Variants in NOP9 observed in about 807,000 individuals in gnomAD.
The protein encoded by NOP9 is nucleolar protein 9.
A neutral mutation model predicts 63.0 loss-of-function variants in NOP9; 50 were observed. The ratio of observed to expected loss-of-function variants is 0.79; its 90% CI spans 0.63 to 1.00. The LOEUF is 1.00. Among genes scored for constraint, NOP9 ranks in the 50% least tolerant of loss-of-function variants. NOP9 has a pLI of 0.00. For synonymous variants in NOP9, 343 were observed against 332.8 expected (o/e 1.03, Z -0.33); for missense variants, 758 against 803.0 (o/e 0.94, Z 0.68).
chr14:24,287,679 AAAAC>A, the NOP9 span, among the ~76,000 whole-genome samples: 13 of 152,104 alleles, frequency 8.5e-5, no homozygotes, highest in Non-Finnish European at 1.5e-4. Context: ...CCTGCCTTTA[AAAAC>A]AAACAAACAA....
chr14:24,292,126 T>G, the NOP9 span: 5 of 1,606,402 alleles, frequency 3.1e-6, no homozygotes, highest in Non-Finnish European at 4.3e-6. Context: ...ATCTTGTTAT[T>G]GAGGATGCAG....
At chr14:24,274,327 G>A in the NOP9 span, among the ~76,000 whole-genome samples, 1 of 152,150 alleles carries the variant, frequency 6.6e-6, no homozygotes, top group Admixed American at 6.5e-5. Flanking sequence ...GAGGAAGTGA[G>A]TCTCATGAAA....
At chr14:24,279,818 G>A in the NOP9 span, among the ~76,000 whole-genome samples, 1 of 152,154 alleles carries the variant, frequency 6.6e-6, no homozygotes, top group East Asian at 1.9e-4. Context: ...CATCACATTC[G>A]GTTTTGGGCA....
chr14:24,286,405 C>G, the NOP9 span, among the ~76,000 whole-genome samples: 87 of 152,280 alleles, frequency 5.7e-4, 1 homozygote, highest in East Asian at 0.014. Context: ...CTAGTCCATC[C>G]TCCCCATACC....
At chr14:24,299,846 G>A (rs1229634966), upstream of NOP9, 2 of 1,365,930 alleles carry the variant, frequency 1.5e-6, no homozygotes, top group Non-Finnish European at 1.9e-6. Flanking sequence ...TGCGTCAGGA[G>A]CGCGCCCGCG....
In NOP9 at chr14:24,301,731, G is replaced by A; in HGVS notation, c.808+9G>A. 6.2e-7 allele frequency: 1 copy of A among 1,613,468 alleles called. No individual in the cohort carries two copies. Among genetic ancestry groups the A allele is most frequent in the African/African-American group, 1.3e-5 (1 of 75,014 alleles). ...TCTGAAGGACATTGCAGGTAAGGAG[G>A]GAAGTAGGAGGATGGTCTCGTATCT... On this transcript the variant is annotated intron_variant, in intron 3 of 9. Transcript: ENST00000267425.
At chr14:24,271,244 C>T in the NOP9 span, 1 of 1,258,384 alleles carries the variant, frequency 7.9e-7, no homozygotes, top group South Asian at 1.7e-5. Context: ...AAGCAGCAAG[C>T]GTGCCTGGGC....
the NOP9 span, among the ~76,000 whole-genome samples, chr14:24,289,992 A>G: frequency 6.6e-6 from 1 of 152,242 alleles, no homozygotes; most frequent in Non-Finnish European, 1.5e-5. Flanking sequence ...CAGCCATCCC[A>G]TCACTTTGGA....
At chr14:24,276,818 T>C in the NOP9 span, among the ~76,000 whole-genome samples, 1 of 152,250 alleles carries the variant, frequency 6.6e-6, no homozygotes, top group African/African-American at 2.4e-5. Flanking sequence ...TCTATAAAAC[T>C]TGTCACTGAG....
In NOP9 at chr14:24,302,307, A is replaced by G. The variant is rs747473767; in HGVS notation, c.1026A>G (p.Pro342=). The G allele has an allele frequency of 6.2e-7, 1 of 1,614,096 alleles. No individual in the cohort carries two copies. The highest frequency in any genetic ancestry group is 1.7e-5 in the Admixed American group (1 of 60,012). The change falls in exon 5 of 10, where the codon CCA becomes CCG. Residue 342 remains proline (P), a synonymous_variant. Coordinates refer to ENST00000267425, the MANE Select transcript of NOP9 (RefSeq NM_174913.3). ...AGGTCCTGCTGGTGTTGGAGCCCCC[A>G]AGACTCCAGAGCCTCTTTGAGGAGC... The part of the protein sequence containing the change: ...LEQVLLVLEP[P]RLQSLFEEHL...
At chr14:24,301,126 A>G (rs1030306401) in intron 2 of NOP9, among the ~76,000 whole-genome samples, 1 of 152,160 alleles carries the variant, frequency 6.6e-6, no homozygotes, top group Admixed American at 6.5e-5. Context: ...ATACAAATGG[A>G]CTTAAGCAAA....
At chr14:24,291,223 C>A in the NOP9 span, 1 of 1,613,976 alleles carries the variant, frequency 6.2e-7, no homozygotes, top group Non-Finnish European at 8.5e-7. Context: ...TTGGGATCTG[C>A]GGGCACACAG....
At chr14:24,292,631 C>T in the NOP9 span, 26 of 1,614,220 alleles carry the variant, frequency 1.6e-5, no homozygotes, top group African/African-American at 3.3e-4. Flanking sequence ...CTCCTCAGCT[C>T]CTATGCCACT....
Position 24,306,449 on chromosome 14 carries a change from C to T in NOP9, c.*1354C>T. 2 of 1,614,242 alleles carry T rather than the reference C, an allele frequency of 1.2e-6. No individual in the cohort carries two copies. The highest frequency in any genetic ancestry group is 1.7e-6 in the Non-Finnish European group (2 of 1,180,042). ...CATCCTCCAGCAGCTGGAAGAAGTC[C>T]TCACTGTCCACTGCAGTTCCATCCT... is the stretch of plus-strand genomic sequence containing the variant. On this transcript the variant is annotated 3_prime_UTR_variant, in exon 10 of 10. Transcript: ENST00000267425.
chr14:24,291,850 A>C, the NOP9 span: 1 of 616,068 alleles, frequency 1.6e-6, no homozygotes, highest in Non-Finnish European at 2.9e-6. Flanking sequence ...GTCTTTGCTA[A>C]GTGGAAGGAT....
the NOP9 span, among the ~76,000 whole-genome samples, chr14:24,285,983 CAA>C: frequency 3.0e-3 from 457 of 150,088 alleles, no homozygotes; most frequent in African/African-American, 7.4e-3. Flanking sequence ...GATAAACTGT[CAA>C]AAAAAAAAAA....
At chr14:24,292,960 G>A in the NOP9 span, 3 of 679,432 alleles carry the variant, frequency 4.4e-6, no homozygotes, top group South Asian at 2.6e-5. Flanking sequence ...GAGGAAAACT[G>A]GTCAAAATAA....
upstream of NOP9, chr14:24,296,945 C>T: frequency 6.2e-7 from 1 of 1,606,430 alleles, no homozygotes; most frequent in Non-Finnish European, 8.5e-7. Flanking sequence ...ACAAAACTCC[C>T]CAACCAAAGT....
At position 24,302,306 on chromosome 14, in the gene NOP9, C is replaced by A. The variant is rs2041392584; in HGVS notation, c.1025C>A (p.Pro342Gln). 2.5e-6 allele frequency: 4 copies of A among 1,614,162 alleles called. No individual in the cohort carries two copies. ...LEQVLLVLEPPRLQSLFEEHL... is the reference protein window; with the variant it reads ...LEQVLLVLEPQRLQSLFEEHL... ...CAGGTCCTGCTGGTGTTGGAGCCCC[C>A]AAGACTCCAGAGCCTCTTTGAGGAG... Residue 342 changes from proline (P) to glutamine (Q), a missense_variant, in exon 5 of 10, where the codon CCA (proline) becomes CAA (glutamine). Physicochemically the swap from Pro to Gln is moderately conservative, Grantham distance 76. Transcript: ENST00000267425.
Sources: allele counts gnomAD v4.1 joint callset (sites outside exome capture counted in the v4.1 genomes callset), GRCh38; gene constraint gnomAD v4.1.1; transcripts MANE v1.5; gene names NCBI Gene and HGNC (gene_info 2026-07-23, HGNC 2026-07-21).